The following PRDM1 variants were observed in gnomAD, a reference collection of about 807,000 sequenced individuals.
PRDM1 encodes the protein PR domain zinc finger protein 1.
A neutral mutation model predicts 62.8 loss-of-function variants in PRDM1; 13 were observed. The observed-to-expected ratio is 0.21, with a 90% CI of 0.13 to 0.33. The LOEUF (loss-of-function observed/expected upper bound fraction) is 0.33, where lower values mean the gene tolerates loss of function less well. Among genes scored for constraint, PRDM1 ranks in the 10% least tolerant of loss-of-function variants. The probability of loss-of-function intolerance (pLI) is 1.00; values close to 1 mark genes in which losing one functional copy is unlikely to be tolerated. For missense variants in PRDM1, 895 were observed against 1,058.8 expected (o/e 0.85, Z 2.15); for synonymous variants, 396 against 417.6 (o/e 0.95, Z 0.63).
intron 1 of PRDM1, among the ~76,000 whole-genome samples, chr6:106,069,838 AGTT>A (rs1773483367): frequency 6.6e-6 from 1 of 152,202 alleles, no homozygotes; most frequent in African/African-American, 2.4e-5. Context: ...GGAAATGAGG[AGTT>A]GGTCTCCAAC....
At chr6:105,999,026 C>T (rs1466433363) in intron 1 of PRDM1, among the ~76,000 whole-genome samples, 1 of 151,018 alleles carries the variant, frequency 6.6e-6, no homozygotes, top group African/African-American at 2.4e-5. Context: ...CAGCCTCAAC[C>T]TCCTAGGCTC....
chr6:106,006,094 C>T (rs920041335), intron 1 of PRDM1, among the ~76,000 whole-genome samples: 19 of 152,188 alleles, frequency 1.2e-4, no homozygotes, highest in African/African-American at 4.3e-4. Context: ...TTCCTTCTCA[C>T]GAAGGTGTCC....
chr6:106,008,859 T>C lies in PRDM1; in HGVS notation c.-67+15220T>C, dbSNP rs114856062. On this transcript the variant is annotated intron_variant, in intron 1 of 6. Transcript: ENST00000652320. ...CTCTTGTTGGCTTTGTATTCTCCTG[T>C]CTCCAGTAACTCCCACCTGGAATGT... Among the ~76,000 whole-genome samples the C allele has an allele frequency of 5.3e-3, 808 of 152,298 alleles. 4 individuals carry two copies. Among genetic ancestry groups the C allele is most frequent in the African/African-American group, 0.018 (761 of 41,554 alleles).
chr6:106,082,528 G>A (rs1773709560), upstream of PRDM1, among the ~76,000 whole-genome samples: 1 of 152,104 alleles, frequency 6.6e-6, no homozygotes, highest in African/African-American at 2.4e-5. Context: ...TCTGAAGGGA[G>A]GGCTAAAAAA....
In PRDM1 at chr6:106,105,114, C is replaced by G. The variant is rs1310604024; in HGVS notation, c.954C>G (p.Ile318Met). The change falls in exon 5 of 7, where the codon ATC (isoleucine) becomes ATG (methionine). Residue 318 changes from isoleucine (I) to methionine (M), a missense_variant. Around this residue, in one of 4 missense-constraint regions of PRDM1, gnomAD observed 444 missense variants for 422.7 expected, o/e 1.05. Coordinates refer to ENST00000369096, the MANE Select transcript of PRDM1 (RefSeq NM_001198.4). The part of the protein sequence containing the change: ...DFLKASLAYG[I>M]ERPTYITRSP... ...TGAAAGCTTCCCTGGCCTACGGGAT[C>G]GAGAGACCCACGTACATCACTCGCT... 2 of 1,614,010 alleles carry G rather than the reference C, an allele frequency of 1.2e-6. No homozygotes were observed. The highest frequency in any genetic ancestry group is 2.2e-5 in the South Asian group (2 of 91,054).
chr6:106,010,735 G>A lies in PRDM1; in HGVS notation c.-67+17096G>A, dbSNP rs541413761. 1.3e-4 allele frequency among the ~76,000 whole-genome samples: 20 copies of A among 152,276 alleles called. No homozygotes were observed. The East Asian group carries it at 2.5e-3, about 19-fold the overall frequency. On this transcript the variant is annotated intron_variant, in intron 1 of 6. Coordinates refer to the PRDM1 transcript ENST00000652320. ...CTCTGAAGCATGACACCGTGGAGCC[G>A]TATTATCACCACGTGCCCTGTCGTG...
chr6:106,055,294 T>C (rs1410278765), intron 1 of PRDM1, among the ~76,000 whole-genome samples: 3 of 152,222 alleles, frequency 2.0e-5, no homozygotes, highest in Non-Finnish European at 4.4e-5. Context: ...TTTTCTTGGA[T>C]TTAGTTATAT....
At chr6:106,047,071 T>C (rs1773088818), upstream of PRDM1, among the ~76,000 whole-genome samples, 5 of 152,240 alleles carry the variant, frequency 3.3e-5, no homozygotes, top group Admixed American at 3.3e-4. Flanking sequence ...TTATATGATC[T>C]TTCCTTGCTT....
intron 4 of PRDM1, 65 bp downstream of exon 4, chr6:106,099,617 A>G: frequency 6.3e-7 from 1 of 1,577,594 alleles, no homozygotes; most frequent in Non-Finnish European, 8.6e-7. Flanking sequence ...CCTTTGAACT[A>G]ATAACATGTT....
upstream of PRDM1, among the ~76,000 whole-genome samples, chr6:106,047,721 A>C: frequency 6.6e-6 from 1 of 152,214 alleles, no homozygotes; most frequent in Non-Finnish European, 1.5e-5. Flanking sequence ...AAAGTAAGAA[A>C]ACCATTTCTG....
At chr6:106,069,020 G>C (rs557915143) in intron 1 of PRDM1, among the ~76,000 whole-genome samples, 11 of 152,282 alleles carry the variant, frequency 7.2e-5, no homozygotes, top group African/African-American at 2.6e-4. Flanking sequence ...AAGCACACCA[G>C]GTTGTGGGGA....
chr6:106,007,811 A>T (rs1024577176), intron 1 of PRDM1, among the ~76,000 whole-genome samples: 2 of 152,066 alleles, frequency 1.3e-5, no homozygotes, highest in Non-Finnish European at 2.9e-5. Flanking sequence ...TGCATCTCCT[A>T]ACGACTTTCT....
intron 1 of PRDM1, among the ~76,000 whole-genome samples, chr6:106,068,538 A>G (rs1275831624): frequency 6.6e-6 from 1 of 152,182 alleles, no homozygotes; most frequent in Non-Finnish European, 1.5e-5. Context: ...ATTTGTATTT[A>G]TAGAAACCTC....
At chr6:106,003,013 T>C (rs927644867) in intron 1 of PRDM1, among the ~76,000 whole-genome samples, 1 of 25,586 alleles carries the variant, frequency 3.9e-5, no homozygotes, top group African/African-American at 2.8e-4. Context: ...TTTTTGTTCT[T>C]TTTCTTTTTT....
At chr6:106,079,073 G>A (rs1406139275) in intron 1 of PRDM1, among the ~76,000 whole-genome samples, 1 of 151,906 alleles carries the variant, frequency 6.6e-6, no homozygotes, top group Non-Finnish European at 1.5e-5. Flanking sequence ...CGATTCTCGT[G>A]TCTCAGCCTC....
chr6:106,014,953 A>G lies in PRDM1; in HGVS notation c.-67+21314A>G, dbSNP rs76082032. Among the ~76,000 whole-genome samples the G allele has an allele frequency of 8.2e-3, 1,247 of 152,262 alleles. 21 individuals carry two copies. The highest frequency in any genetic ancestry group is 0.029 in the African/African-American group (1,198 of 41,540). ...AGAGAGAACAAGACACAGGGACATA[A>G]TAAGTTCATAGAGTTCAAGATACAG... On this transcript the variant is annotated intron_variant, in intron 1 of 6. Transcript: ENST00000652320.
At chr6:106,014,058 A>ATTTTTTTTTTTTTTTTTTTTTT (rs71006664) in intron 1 of PRDM1, among the ~76,000 whole-genome samples, 2 of 105,104 alleles carry the variant, frequency 1.9e-5, no homozygotes. Context: ...AGGACAAGGA[A>ATTTTTTTTTTTTTTTTTTTTTT]TTTTTTTTTT....
Position 106,107,564 on chromosome 6 carries a change from A to C in PRDM1, c.*78A>C. 1 of 1,296,384 alleles carries C rather than the reference A, an allele frequency of 7.7e-7. No individual in the cohort carries two copies. 80.3% of individuals were successfully genotyped at this position (1,296,384 alleles called of 1,614,324 possible). ...GGTGCCTGTAGGAAGTGGCTTGTAC[A>C]TAATCCCAGCTCTGCAAAGCTCTCT... On this transcript the variant is annotated 3_prime_UTR_variant, in exon 7 of 7. Coordinates refer to ENST00000369096, the MANE Select transcript of PRDM1 (RefSeq NM_001198.4).
chr6:106,057,618 C>A (rs575790483), intron 1 of PRDM1, among the ~76,000 whole-genome samples: 1 of 152,234 alleles, frequency 6.6e-6, no homozygotes, highest in African/African-American at 2.4e-5. Flanking sequence ...ATCAACCTTA[C>A]ATATGTCTAT....
Sources: gnomAD v4.1 joint callset for allele counts (sites outside exome capture counted in the v4.1 genomes callset) on GRCh38, gnomAD v4.1.1 for gene constraint, gnomAD v4.1.1 regional missense constraint, MANE v1.5 for transcripts, NCBI Gene and HGNC (gene_info 2026-07-23, HGNC 2026-07-21) for gene names.